Variants in GRM4 observed in about 807,000 individuals in gnomAD.
The protein encoded by GRM4 is metabotropic glutamate receptor 4.
In GRM4, 28 loss-of-function variants were observed where a neutral mutation model predicts 81.7. The ratio of observed to expected loss-of-function variants is 0.34; its 90% CI spans 0.25 to 0.47. The LOEUF is 0.47. Among genes scored for constraint, GRM4 ranks in the 20% least tolerant of loss-of-function variants. GRM4 has a pLI of 1.00. For missense variants in GRM4, 948 were observed against 1,290.0 expected (o/e 0.73, Z 4.06); for synonymous variants, 488 against 528.8 (o/e 0.92, Z 1.06).
intron 2 of GRM4, among the ~76,000 whole-genome samples, chr6:34,101,069 C>T (rs144974066): frequency 6.6e-6 from 1 of 152,292 alleles, no homozygotes; most frequent in East Asian, 1.9e-4. Context: ...CTGGGAGAGC[C>T]AGGAATGACT....
chr6:34,087,707 C>G (rs113598375), intron 3 of GRM4, among the ~76,000 whole-genome samples: 1 of 145,934 alleles, frequency 6.9e-6, no homozygotes, highest in Non-Finnish European at 1.5e-5. Context: ...CAACCCCCCC[C>G]CCACACACAC....
At chr6:34,131,574 C>G (rs34425311) in intron 2 of GRM4, among the ~76,000 whole-genome samples, 11,419 of 152,184 alleles carry the variant, frequency 0.075, 803 homozygotes, top group African/African-American at 0.18. Flanking sequence ...GACAGCACAA[C>G]TCTGGCCTCC....
intron 2 of GRM4, chr6:34,100,002 C>G: frequency 5.2e-6 from 5 of 958,348 alleles, no homozygotes; most frequent in Non-Finnish European, 6.2e-6. Context: ...CACCTCAGGA[C>G]TTGACTCCCT....
At position 34,080,076 on chromosome 6, in the gene GRM4, T is replaced by G. The variant is rs1767510100; in HGVS notation, c.736+11807A>C. The stretch of plus-strand genomic sequence containing the variant: ...CCTCACTCATTCTGCCCCTGCCTCC[T>G]GGTTATTCTCCAAATGCCGGGCAGG... On this transcript the variant is annotated intron_variant, in intron 3 of 10. Transcript: ENST00000538487. The surrounding 1 kb of genome is among the most constrained non-coding windows in gnomAD (Gnocchi z 5.4). Among the ~76,000 whole-genome samples, 1 of 152,192 alleles carries G rather than the reference T, an allele frequency of 6.6e-6. No individual in the cohort carries two copies. The highest frequency in any genetic ancestry group is 1.5e-5 in the Non-Finnish European group (1 of 68,024).
chr6:34,066,207 A>C (rs1485507075), intron 3 of GRM4, among the ~76,000 whole-genome samples: 1 of 152,112 alleles, frequency 6.6e-6, no homozygotes, highest in African/African-American at 2.4e-5. Context: ...GTCCCCAGGG[A>C]AACCCCGGCA....
At chr6:34,132,934 C>A in intron 2 of GRM4, 44 bp downstream of exon 2, 1 of 1,509,676 alleles carries the variant, frequency 6.6e-7, no homozygotes, top group Non-Finnish European at 9.0e-7. Context: ...CGGGCAGAGT[C>A]CGTTGGGGGA....
intron 1 of GRM4, among the ~76,000 whole-genome samples, chr6:34,143,290 A>G (rs1159851622): frequency 3.3e-5 from 5 of 152,124 alleles, no homozygotes; most frequent in African/African-American, 9.7e-5. Flanking sequence ...CACCATCCTC[A>G]AAGCCCCCCG....
In GRM4 at chr6:34,064,065, C is replaced by T. The variant is rs1335671003; in HGVS notation, c.737-2037G>A. On this transcript the variant is annotated intron_variant, in intron 3 of 10. Coordinates refer to ENST00000538487, the MANE Select transcript of GRM4 (RefSeq NM_000841.4). This position sits in a 1 kb window ranked among gnomAD's most constrained non-coding sequence, Gnocchi z 4.4. ...GGCATATCTTGCAAGCTTCGTTTTG[C>T]TGGTGAAGGAAGGATTAGGTGACCA... Among the ~76,000 whole-genome samples, 2 of 152,152 alleles carry T rather than the reference C, an allele frequency of 1.3e-5. No individual in the cohort carries two copies. The highest frequency in any genetic ancestry group is 1.5e-5 in the Non-Finnish European group (1 of 68,026).
At position 34,146,009 on chromosome 6, in the gene GRM4, A is replaced by G; in HGVS notation, c.-373T>C. ...GTGCCAGCTCACCTACCCCGAGGAC[A>G]TGGCGGGGACCCCTTCTCACCCCAG... On this transcript the variant is annotated 5_prime_UTR_variant, in exon 1 of 11. The change abolishes an upstream ATG in the 5' untranslated region. Transcript: ENST00000538487. The G allele has an allele frequency of 1.0e-6, 1 of 984,748 alleles. No individual in the cohort carries two copies. Among genetic ancestry groups the G allele is most frequent in the Non-Finnish European group, 1.2e-6 (1 of 829,876 alleles). The allele number at this position is 984,748 out of a possible 1,614,324, so 61.0% of individuals were successfully genotyped here.
Position 34,092,184 on chromosome 6 carries a change from C to G in GRM4, c.520-85G>C. ...CCCATTCCCCTACACACCAACCTCCCTTTGGTCCCCACAGCCTTGGGACCA... is the reference window on the plus strand; with the variant it reads ...CCCATTCCCCTACACACCAACCTCCGTTTGGTCCCCACAGCCTTGGGACCA... On this transcript the variant is annotated intron_variant, in intron 2 of 10. Transcript: ENST00000538487. The surrounding 1 kb of genome is among the most constrained non-coding windows in gnomAD (Gnocchi z 6.8). 1.2e-6 allele frequency: 1 copy of G among 861,954 alleles called. No individual in the cohort carries two copies. The highest frequency in any genetic ancestry group is 1.6e-5 in the South Asian group (1 of 63,330). 53.4% of individuals were successfully genotyped at this position (861,954 alleles called of 1,614,324 possible).
At chr6:34,096,654 C>T (rs562900120) in intron 2 of GRM4, among the ~76,000 whole-genome samples, 14 of 147,490 alleles carry the variant, frequency 9.5e-5, no homozygotes, top group African/African-American at 3.6e-4. Context: ...AAAAAGTGCT[C>T]CACTGTCTGG....
intron 10 of GRM4, among the ~76,000 whole-genome samples, chr6:34,026,327 A>AGG (rs1764131829): frequency 6.6e-6 from 1 of 151,898 alleles, no homozygotes; most frequent in Non-Finnish European, 1.5e-5. Flanking sequence ...CCCTGTTGTC[A>AGG]CTGAGCTGAG....
chr6:34,033,414 G>T (rs1161250878), intron 9 of GRM4, among the ~76,000 whole-genome samples: 4 of 152,022 alleles, frequency 2.6e-5, no homozygotes, highest in Admixed American at 2.6e-4. Flanking sequence ...GGGGATGGGG[G>T]GGTGCTCCTA....
chr6:34,133,377 C>A lies in GRM4; in HGVS notation c.120G>T (p.Met40Ile), dbSNP rs757920195. ...TGTCCCCATCTATGCGGATGGAATT[C>A]ATGTGAGGGTGGCCTTTGGGCTTTC... The part of the protein sequence containing the change: ...SLGKPKGHPH[M>I]NSIRIDGDIT... The change falls in exon 2 of 11, where the codon ATG (methionine) becomes ATT (isoleucine). Residue 40 changes from methionine to isoleucine, a missense_variant. Met to Ile is a conservative substitution (Grantham distance 10, BLOSUM62 1). Transcript: ENST00000538487. The surrounding 1 kb of genome is among the most constrained non-coding windows in gnomAD (Gnocchi z 6.5). 2 of 1,613,920 alleles carry A rather than the reference C, an allele frequency of 1.2e-6. No individual in the cohort carries two copies. Among genetic ancestry groups the A allele is most frequent in the Non-Finnish European group, 1.7e-6 (2 of 1,179,984 alleles).
rs1483567049 is a variant in GRM4, at chr6:34,089,498, T to C, written c.736+2385A>G. Reference sequence around the variant, plus strand: ...GCCCTGGCCAGGCCCCCGTAGGATGTTGCACACTGGCATGGGGTGGCCTTG... The same window carrying C: ...GCCCTGGCCAGGCCCCCGTAGGATGCTGCACACTGGCATGGGGTGGCCTTG... On this transcript the variant is annotated intron_variant, in intron 3 of 10. Coordinates refer to ENST00000538487, the MANE Select transcript of GRM4 (RefSeq NM_000841.4). The surrounding 1 kb of genome is among the most constrained non-coding windows in gnomAD (Gnocchi z 4.3). Among the ~76,000 whole-genome samples the C allele has an allele frequency of 1.3e-5, 2 of 151,990 alleles. No individual in the cohort carries two copies. The highest frequency in any genetic ancestry group is 1.9e-4 in the East Asian group (1 of 5,164).
chr6:34,120,848 C>G (rs1406934249), intron 2 of GRM4, among the ~76,000 whole-genome samples: 1 of 152,198 alleles, frequency 6.6e-6, no homozygotes, highest in Non-Finnish European at 1.5e-5. Context: ...CCCACCTCGG[C>G]CTCCCAAAGT....
At chr6:34,079,190 AG>A (rs1328093934) in intron 3 of GRM4, among the ~76,000 whole-genome samples, 3 of 152,222 alleles carry the variant, frequency 2.0e-5, no homozygotes, top group Non-Finnish European at 4.4e-5. Flanking sequence ...GCTCTCTGCC[AG>A]GGCCAGCCCA....
intron 3 of GRM4, 125 bp from the exon 4 acceptor site, chr6:34,062,153 C>G: frequency 1.0e-6 from 1 of 988,100 alleles, no homozygotes; most frequent in Non-Finnish European, 1.5e-6. Flanking sequence ...TGACTCCCAG[C>G]CCTGGGATCC....
rs1353643048 is a variant in GRM4, at chr6:34,035,099, G to A, written c.2442+569C>T. Among the ~76,000 whole-genome samples, 1 of 152,136 alleles carries A rather than the reference G, an allele frequency of 6.6e-6. No individual in the cohort carries two copies. The highest frequency in any genetic ancestry group is 1.5e-5 in the Non-Finnish European group (1 of 68,034). ...ATGGGGATCTTGTGAGGGGTAGATG[G>A]AGGAGGGAGAAGAGAGGAGTGAACC... is the stretch of plus-strand genomic sequence containing the variant. On this transcript the variant is annotated intron_variant, in intron 9 of 10. Transcript: ENST00000538487. This position sits in a 1 kb window ranked among gnomAD's most constrained non-coding sequence, Gnocchi z 6.6.
Sources: allele counts gnomAD v4.1 joint callset (sites outside exome capture counted in the v4.1 genomes callset), GRCh38; gene constraint gnomAD v4.1.1; non-coding constraint Gnocchi (gnomAD v3.1); transcripts MANE v1.5; gene names NCBI Gene and HGNC (gene_info 2026-07-23, HGNC 2026-07-21).